SGK3: variants seen among roughly 807,000 people sequenced by gnomAD.
SGK3 encodes serum/glucocorticoid regulated kinase family member 3.
In SGK3, 47 loss-of-function variants were observed where a neutral mutation model predicts 68.5. The observed-to-expected ratio is 0.69, with a 90% CI of 0.54 to 0.87. The LOEUF (loss-of-function observed/expected upper bound fraction) is 0.87. Ranked by LOEUF, SGK3 falls within the 40% of genes least tolerant of loss-of-function variation. SGK3 has a pLI of 0.00. For synonymous variants in SGK3, 181 were observed against 189.1 expected, an observed-to-expected ratio of 0.96 and a Z score of 0.35; for missense variants, 479 against 575.5, an observed-to-expected ratio of 0.83 and a Z score of 1.72.
intron 3 of SGK3, among the ~76,000 whole-genome samples, chr8:66,801,340 T>C (rs1240986243): frequency 6.6e-6 from 1 of 152,202 alleles, no homozygotes; most frequent in Non-Finnish European, 1.5e-5. Flanking sequence ...AATCAAAGGA[T>C]ATTGAGATAG....
intron 2 of SGK3, among the ~76,000 whole-genome samples, chr8:66,796,236 A>G (rs1054516212): frequency 4.6e-5 from 7 of 151,018 alleles, no homozygotes; most frequent in Non-Finnish European, 8.8e-5. Context: ...TCCTGGGTTC[A>G]GGCTATTGTC....
At position 66,809,408 on chromosome 8, in the gene SGK3, G is replaced by A. The variant is rs372882492; in HGVS notation, c.254-4445G>A. ...AGGGAAGCTATTTAGGATGACTGAA[G>A]TTTGATCAAAAGAACACAGGAGCCC... On this transcript the variant is annotated intron_variant, in intron 4 of 16. Coordinates refer to ENST00000521198, the MANE Select transcript of SGK3 (RefSeq NM_001033578.3). Among the ~76,000 whole-genome samples, 45 of 152,308 alleles carry A rather than the reference G, an allele frequency of 3.0e-4. No individual in the cohort carries two copies. In the East Asian group the frequency reaches 8.5e-3, roughly 29 times the overall value.
At position 66,729,735 on chromosome 8, in the gene SGK3, T is replaced by TTTTA. The variant is rs1554592142; in HGVS notation, c.-122+16925_-122+16928dup. Among the ~76,000 whole-genome samples the TTTTA allele has an allele frequency of 6.2e-3, 933 of 151,000 alleles. 7 individuals are homozygous for TTTTA. Among genetic ancestry groups the TTTTA allele is most frequent in the African/African-American group, 0.018 (753 of 40,870 alleles). On this transcript the variant is annotated intron_variant, in intron 1 of 16. Transcript: ENST00000521198. ...AGAATGCCTACATTTATTTATTTAT[T>TTTTA]TTTATTTATTTATTTATTTATTTAT...
chr8:66,846,410 G>A (rs987532292), intron 14 of SGK3, among the ~76,000 whole-genome samples: 1 of 152,108 alleles, frequency 6.6e-6, no homozygotes, highest in Non-Finnish European at 1.5e-5. Flanking sequence ...CGCCTCCCAG[G>A]TTTAACCGAT....
intron 1 of SGK3, among the ~76,000 whole-genome samples, chr8:66,754,250 A>G (rs1805909236): frequency 6.6e-6 from 1 of 152,226 alleles, no homozygotes; most frequent in Non-Finnish European, 1.5e-5. Context: ...TTCTGTTTAA[A>G]TTGTGACCAA....
At chr8:66,786,381 A>T (rs757520482) in intron 1 of SGK3, among the ~76,000 whole-genome samples, 3 of 152,140 alleles carry the variant, frequency 2.0e-5, no homozygotes, top group Non-Finnish European at 4.4e-5. Context: ...GTTTCTCCTC[A>T]ATTTCTTCTA....
intron 1 of SGK3, among the ~76,000 whole-genome samples, chr8:66,792,068 G>A (rs943916066): frequency 1.3e-5 from 2 of 152,156 alleles, no homozygotes; most frequent in Admixed American, 6.5e-5. Context: ...AGTGGTTCAC[G>A]CCTGTAATCC....
At chr8:66,848,041 T>C (rs1242364753) in intron 15 of SGK3, among the ~76,000 whole-genome samples, 1 of 152,178 alleles carries the variant, frequency 6.6e-6, no homozygotes. Flanking sequence ...AACTGCTTTC[T>C]CAGATATTCT....
rs1034540715 is a variant in SGK3, at chr8:66,861,666, G to A, written c.*2085G>A. ...AAGCATTTCTCACCAATACTCTTTG[G>A]CTTAAAATGTTCAGCAGAATTGGGC... is the stretch of plus-strand genomic sequence containing the variant. On this transcript the variant is annotated 3_prime_UTR_variant, in exon 17 of 17. Transcript: ENST00000521198. The A allele has an allele frequency of 3.3e-5, 5 of 152,026 alleles. No individual in the cohort carries two copies. The highest frequency in any genetic ancestry group is 3.3e-4 in the Admixed American group (5 of 15,246). The allele number at this position is 152,026 out of a possible 1,614,324, so 9.4% of individuals were successfully genotyped here. A position where few individuals can be genotyped will look rare whatever the true frequency, so the allele number is the denominator to read the frequency against.
Position 66,804,411 on chromosome 8 carries a change from C to T in SGK3, c.217C>T (p.Pro73Ser). 1 of 1,612,274 alleles carries T rather than the reference C, an allele frequency of 6.2e-7. No individual in the cohort carries two copies. Residue 73 changes from proline (P) to serine (S), a missense_variant, in exon 4 of 17, where the codon CCT becomes TCT. Transcript: ENST00000521198. Reference protein sequence around the residue: ...KQFPAMALKIPAKRIFGDNFD... With the variant: ...KQFPAMALKISAKRIFGDNFD... Reference sequence around the variant, plus strand: ...GTTTCCTGCTATGGCCCTGAAGATTCCTGCCAAGAGAATATTTGGTGATAA... The same window carrying T: ...GTTTCCTGCTATGGCCCTGAAGATTTCTGCCAAGAGAATATTTGGTGATAA...
Position 66,743,580 on chromosome 8 carries a change from G to A in SGK3, c.-122+30747G>A, listed in dbSNP as rs1805542924. Among the ~76,000 whole-genome samples the A allele has an allele frequency of 2.0e-5, 3 of 152,254 alleles. No individual in the cohort carries two copies. The South Asian group carries it at 6.2e-4, about 31-fold the overall frequency. ...GTTTTGCTCTTTTTGCCCAGGCAAT[G>A]GCGTGATCTCAGCTCACTGCAACTT... is the stretch of plus-strand genomic sequence containing the variant. On this transcript the variant is annotated intron_variant, in intron 1 of 16. Coordinates refer to ENST00000521198, the MANE Select transcript of SGK3 (RefSeq NM_001033578.3).
intron 3 of SGK3, among the ~76,000 whole-genome samples, chr8:66,803,682 A>T (rs944609604): frequency 2.0e-5 from 3 of 146,898 alleles, no homozygotes; most frequent in Non-Finnish European, 4.5e-5. Context: ...TTTTTTTGAG[A>T]CATGGTGTCT....
At position 66,825,890 on chromosome 8, in the gene SGK3, AAAT is replaced by A. The variant is rs375125804; in HGVS notation, c.418-2758_418-2756del. On this transcript the variant is annotated intron_variant, in intron 6 of 16. Coordinates refer to ENST00000521198, the MANE Select transcript of SGK3 (RefSeq NM_001033578.3). ...TGCTCCATTAGGGGAATCCTTGCCTAAATAATAAAATCTAATTACATATTAACA... is the reference window on the plus strand; with the variant it reads ...TGCTCCATTAGGGGAATCCTTGCCTAAATAAAATCTAATTACATATTAACA... Among the ~76,000 whole-genome samples, 41 of 152,320 alleles carry A rather than the reference AAAT, an allele frequency of 2.7e-4. 1 individual carries two copies. The South Asian group carries it at 8.5e-3, about 32-fold the overall frequency.
rs1173366413 is a variant in SGK3 at position 66,734,458 on chromosome 8, C to T, written c.-122+21625C>T. 7.2e-5 allele frequency among the ~76,000 whole-genome samples: 11 copies of T among 152,148 alleles called. No homozygotes were observed. The East Asian group carries it at 2.1e-3, about 29-fold the overall frequency. On this transcript the variant is annotated intron_variant, in intron 1 of 16. Coordinates refer to ENST00000521198, the MANE Select transcript of SGK3 (RefSeq NM_001033578.3). The stretch of plus-strand genomic sequence containing the variant: ...TTCCACTTCTATTAAAATTTTCTTT[C>T]CAACTCTTTACACATTCATTTGAGG...
At position 66,787,860 on chromosome 8, in the gene SGK3, G is replaced by GGCCA. The variant is rs572970823; in HGVS notation, c.-121-5755_-121-5752dup. Among the ~76,000 whole-genome samples the GGCCA allele has an allele frequency of 2.1e-3, 314 of 152,264 alleles. 1 individual carries two copies. Among genetic ancestry groups the GGCCA allele is most frequent in the African/African-American group, 5.9e-3 (246 of 41,548 alleles). On this transcript the variant is annotated intron_variant, in intron 1 of 16. Coordinates refer to ENST00000521198, the MANE Select transcript of SGK3 (RefSeq NM_001033578.3). ...GTTCTTTCCAAGTCACTGACCAGCA[G>GGCCA]GCCATCCATTAGCCACTGCCCAAGG...
chr8:66,764,201 A>G (rs1025594210), intron 1 of SGK3, among the ~76,000 whole-genome samples: 6 of 152,106 alleles, frequency 3.9e-5, no homozygotes, highest in Non-Finnish European at 8.8e-5. Context: ...GATCTCATAT[A>G]ATGATTACCT....
chr8:66,859,776 T>G lies in SGK3; in HGVS notation c.*195T>G. Reference sequence around the variant, plus strand: ...TTCAAAGAGCTGTTTTGATTAAAATTTATATTCTTGTTTAATAAGCTTATT... The same window carrying G: ...TTCAAAGAGCTGTTTTGATTAAAATGTATATTCTTGTTTAATAAGCTTATT... On this transcript the variant is annotated 3_prime_UTR_variant, in exon 17 of 17. Coordinates refer to ENST00000521198, the MANE Select transcript of SGK3 (RefSeq NM_001033578.3). The G allele has an allele frequency of 1.8e-6, 1 of 554,750 alleles. No individual in the cohort carries two copies. Among genetic ancestry groups the G allele is most frequent in the East Asian group, 3.4e-5 (1 of 29,552 alleles). The allele number at this position is 554,750 out of a possible 1,614,324, so 34.4% of individuals were successfully genotyped here. A position where few individuals can be genotyped will look rare whatever the true frequency, so the allele number is the denominator to read the frequency against.
rs1177867449 is a variant in SGK3, at chr8:66,816,337, C to CTTTTTTTTT, written c.329+2421_329+2429dup. ...TCTTTTTAGCAAAATGTGACATTTC[C>CTTTTTTTTT]TTTTTTTTTTTTTTTTTTTTGTGTG... On this transcript the variant is annotated intron_variant, in intron 5 of 16. Transcript: ENST00000521198. 5.3e-4 allele frequency among the ~76,000 whole-genome samples: 61 copies of CTTTTTTTTT among 114,124 alleles called. 1 individual carries two copies. Among genetic ancestry groups the CTTTTTTTTT allele is most frequent in the African/African-American group, 1.9e-3 (55 of 28,378 alleles). The allele number at this position is 114,124 out of a possible 152,430, so 74.9% of individuals were successfully genotyped here. A position where few individuals can be genotyped will look rare whatever the true frequency, so the allele number is the denominator to read the frequency against.
chr8:66,815,191 T>C (rs1808529704), intron 5 of SGK3, among the ~76,000 whole-genome samples: 1 of 152,224 alleles, frequency 6.6e-6, no homozygotes, highest in African/African-American at 2.4e-5. Context: ...CTTTTTAAAT[T>C]TACTTAATTG....
Sources: allele counts gnomAD v4.1 joint callset (sites outside exome capture counted in the v4.1 genomes callset), GRCh38; gene constraint gnomAD v4.1.1; transcripts MANE v1.5; gene names NCBI Gene and HGNC (gene_info 2026-07-23, HGNC 2026-07-21).